The following CUL3 variants were observed in gnomAD, a reference collection of about 807,000 sequenced individuals.
CUL3 encodes cullin 3.
A neutral mutation model predicts 89.1 loss-of-function variants in CUL3; 19 were observed. That is an observed-to-expected ratio of 0.21 (90% CI 0.15 to 0.31). The LOEUF is 0.31. Ranked by LOEUF, CUL3 falls within the 10% of genes least tolerant of loss-of-function variation. The pLI is 1.00. For synonymous variants in CUL3, 351 were observed against 308.4 expected, an observed-to-expected ratio of 1.14 and a Z score of -1.45; for missense variants, 469 against 942.3, an observed-to-expected ratio of 0.50 and a Z score of 6.58.
At chr2:224,520,823 C>T (rs1693232454) in intron 3 of CUL3, among the ~76,000 whole-genome samples, 1 of 152,194 alleles carries the variant, frequency 6.6e-6, no homozygotes. Context: ...AAAGATGTGC[C>T]TCTTCCTCTT....
chr2:224,553,848 C>CT (rs1160060488), intron 2 of CUL3, among the ~76,000 whole-genome samples: 4 of 152,156 alleles, frequency 2.6e-5, no homozygotes, highest in African/African-American at 9.7e-5. Flanking sequence ...TTGTTTAAGC[C>CT]ACCTGGTTTA....
chr2:224,534,363 C>T (rs1693804494), intron 3 of CUL3, among the ~76,000 whole-genome samples: 1 of 152,074 alleles, frequency 6.6e-6, no homozygotes, highest in South Asian at 2.1e-4. Flanking sequence ...TATCCTTAAA[C>T]AAGACTAGCT....
chr2:224,503,625 C>CTCTATTT, intron 9 of CUL3, 27 bp downstream of exon 9: 1 of 1,526,928 alleles, frequency 6.5e-7, no homozygotes, highest in Non-Finnish European at 8.8e-7. Flanking sequence ...GTTAGGTGCA[C>CTCTATTT]TCTATTTCAT....
chr2:224,581,176 C>T (rs1464602242), intron 1 of CUL3, among the ~76,000 whole-genome samples: 1 of 152,066 alleles, frequency 6.6e-6, no homozygotes, highest in African/African-American at 2.4e-5. Context: ...GCAGGCGGAT[C>T]ACGACGTCAG....
In CUL3 at chr2:224,542,912, T is replaced by G. The variant is rs569758589; in HGVS notation, c.265-7271A>C. 5.9e-5 allele frequency among the ~76,000 whole-genome samples: 9 copies of G among 152,266 alleles called. No homozygotes were observed. The South Asian group carries it at 1.9e-3, about 32-fold the overall frequency. ...GAGTTTTCATTCCCAAATATCTCCA[T>G]GGATTGACAAGGAAGCAATACTGGG... On this transcript the variant is annotated intron_variant, in intron 2 of 15. Coordinates refer to ENST00000264414, the MANE Select transcript of CUL3 (RefSeq NM_003590.5).
chr2:224,482,114 T>G, intron 13 of CUL3, 36 bp from the exon 14 acceptor site: 1 of 1,536,638 alleles, frequency 6.5e-7, no homozygotes, highest in Non-Finnish European at 8.8e-7. Context: ...TTAGACTTTT[T>G]GAAAGATTAA....
Position 224,585,174 on chromosome 2 carries a change from G to A in CUL3, c.-165C>T, listed in dbSNP as rs1239406579. Reference sequence around the variant, plus strand: ...GCCCCTGGGCAGCCGCGGCGGCGGCGGGGGCGGCGGCGGCGGCGGCGGCGG... The same window carrying A: ...GCCCCTGGGCAGCCGCGGCGGCGGCAGGGGCGGCGGCGGCGGCGGCGGCGG... On this transcript the variant is annotated 5_prime_UTR_variant, in exon 1 of 16. Coordinates refer to ENST00000264414, the MANE Select transcript of CUL3 (RefSeq NM_003590.5). 2 of 271,538 alleles carry A rather than the reference G, an allele frequency of 7.4e-6. No individual in the cohort carries two copies. Among genetic ancestry groups the A allele is most frequent in the Non-Finnish European group, 1.2e-5 (2 of 173,298 alleles). 16.8% of individuals were successfully genotyped at this position (271,538 alleles called of 1,614,324 possible).
At chr2:224,548,965 G>C (rs1465723274) in intron 2 of CUL3, among the ~76,000 whole-genome samples, 1 of 151,616 alleles carries the variant, frequency 6.6e-6, no homozygotes, top group Non-Finnish European at 1.5e-5. Context: ...TTGTGCCAAC[G>C]TACTCCAGCC....
In CUL3 at chr2:224,534,869, C is replaced by T. The variant is rs193193882; in HGVS notation, c.378+659G>A. 4.6e-3 allele frequency among the ~76,000 whole-genome samples: 693 copies of T among 151,680 alleles called. 4 individuals carry two copies. Among genetic ancestry groups the T allele is most frequent in the Non-Finnish European group, 7.0e-3 (474 of 67,858 alleles). ...AAATAAAAATAGCCGGGCGTGGTGA[C>T]GGGCACCTGTAGTCCCAGCTCATCA... is the stretch of plus-strand genomic sequence containing the variant. On this transcript the variant is annotated intron_variant, in intron 3 of 15. Coordinates refer to ENST00000264414, the MANE Select transcript of CUL3 (RefSeq NM_003590.5).
intron 2 of CUL3, among the ~76,000 whole-genome samples, chr2:224,552,330 C>T (rs1694544358): frequency 6.6e-6 from 1 of 152,206 alleles, no homozygotes; most frequent in South Asian, 2.1e-4. Context: ...ACAAAGGCCA[C>T]ATTACACCCT....
intron 2 of CUL3, among the ~76,000 whole-genome samples, chr2:224,556,908 C>A (rs541047340): frequency 5.9e-5 from 9 of 151,858 alleles, no homozygotes; most frequent in Non-Finnish European, 1.2e-4. Flanking sequence ...GAAGGGTACA[C>A]AAGAGTTCAC....
In CUL3 at chr2:224,471,072, G is replaced by A. The variant is rs1039042009; in HGVS notation, c.*3173C>T. 1 of 223,180 alleles carries A rather than the reference G, an allele frequency of 4.5e-6. No individual in the cohort carries two copies. Among genetic ancestry groups the A allele is most frequent in the Admixed American group, 5.7e-5 (1 of 17,422 alleles). The allele number at this position is 223,180 out of a possible 1,614,324, so 13.8% of individuals were successfully genotyped here. ...TCTGGCATATGATAAGCACTTAAAT[G>A]TTAACATTTCTAATTATTTCTGCTT... is the stretch of plus-strand genomic sequence containing the variant. On this transcript the variant is annotated 3_prime_UTR_variant, in exon 16 of 16. Transcript: ENST00000264414.
At chr2:224,539,768 C>CAA (rs796875829) in intron 2 of CUL3, among the ~76,000 whole-genome samples, 11 of 130,510 alleles carry the variant, frequency 8.4e-5, no homozygotes, top group African/African-American at 2.6e-4. Flanking sequence ...AAAGAGAGAG[C>CAA]AAAAAAAAAA....
intron 3 of CUL3, among the ~76,000 whole-genome samples, chr2:224,524,217 T>C (rs982098248): frequency 6.6e-6 from 1 of 152,084 alleles, no homozygotes; most frequent in Admixed American, 6.5e-5. Flanking sequence ...CCTTCACTGG[T>C]TCCCTTCAGT....
chr2:224,519,539 G>T (rs1180138796), intron 3 of CUL3, among the ~76,000 whole-genome samples: 1 of 152,030 alleles, frequency 6.6e-6, no homozygotes, highest in Admixed American at 6.6e-5. Context: ...AGAAAAACTT[G>T]ATAACCCTAA....
chr2:224,575,839 C>T (rs906741485), intron 1 of CUL3, among the ~76,000 whole-genome samples: 14 of 152,158 alleles, frequency 9.2e-5, no homozygotes, highest in South Asian at 2.1e-4. Context: ...AAGCTCTAAG[C>T]GTGAAGATCC....
At chr2:224,513,500 T>C (rs2106220351) in intron 5 of CUL3, 24 bp downstream of exon 5, 3 of 1,315,936 alleles carry the variant, frequency 2.3e-6, no homozygotes, top group Non-Finnish European at 3.2e-6. Flanking sequence ...TAAAAGATTA[T>C]TTATTTACAT....
intron 3 of CUL3, among the ~76,000 whole-genome samples, chr2:224,528,979 A>G (rs6744468): frequency 0.2 from 30,888 of 152,136 alleles, 3,428 homozygotes; most frequent in African/African-American, 0.24. Flanking sequence ...TTGCACAGCA[A>G]TTCTTCTATT....
At chr2:224,563,317 T>C (rs937813867) in intron 1 of CUL3, 8 of 469,070 alleles carry the variant, frequency 1.7e-5, no homozygotes, top group Admixed American at 2.4e-5. Context: ...TGTCACTCTC[T>C]ACTGGGTCTC....
Sources: allele counts gnomAD v4.1 joint callset (sites outside exome capture counted in the v4.1 genomes callset), GRCh38; gene constraint gnomAD v4.1.1; transcripts MANE v1.5; gene names NCBI Gene and HGNC (gene_info 2026-07-23, HGNC 2026-07-21).